Variants in ASPH observed in about 807,000 individuals in gnomAD.
ASPH encodes aspartyl/asparaginyl beta-hydroxylase.
A neutral mutation model predicts 118.4 loss-of-function variants in ASPH; 100 were observed. The ratio of observed to expected loss-of-function variants is 0.84; its 90% CI spans 0.72 to 1.00. The LOEUF is 1.00. ASPH is among the 50% of genes least tolerant of loss of function. The probability of loss-of-function intolerance (pLI) is 0.00; values close to 1 mark genes in which losing one functional copy is unlikely to be tolerated. For synonymous variants in ASPH, 315 were observed against 325.6 expected (o/e 0.97, Z 0.35); for missense variants, 920 against 919.5 (o/e 1.00, Z -0.01).
At chr8:61,575,681 A>T (rs1054885677) in intron 16 of ASPH, among the ~76,000 whole-genome samples, 1 of 152,088 alleles carries the variant, frequency 6.6e-6, no homozygotes, top group Non-Finnish European at 1.5e-5. Context: ...TTATTTTTAA[A>T]TTTTCTGTAT....
intron 3 of ASPH, chr8:61,659,484 A>C (rs542784820): frequency 1.3e-5 from 2 of 152,350 alleles, no homozygotes; most frequent in Admixed American, 1.3e-4. Context: ...ACATGGAGCA[A>C]TAAATAGATA....
At chr8:61,596,620 C>T (rs1439721854) in intron 14 of ASPH, among the ~76,000 whole-genome samples, 3 of 152,244 alleles carry the variant, frequency 2.0e-5, no homozygotes, top group Non-Finnish European at 4.4e-5. Flanking sequence ...GAGGAAATCA[C>T]AGACACCACT....
At chr8:61,653,449 A>T in intron 4 of ASPH, 119 bp downstream of exon 4, 1 of 877,796 alleles carries the variant, frequency 1.1e-6, no homozygotes, top group Non-Finnish European at 1.7e-6. Flanking sequence ...GAAAAAAAGT[A>T]GTTAATTATT....
At chr8:61,591,450 G>A (rs1841111746) in intron 14 of ASPH, among the ~76,000 whole-genome samples, 2 of 151,616 alleles carry the variant, frequency 1.3e-5, no homozygotes, top group African/African-American at 4.8e-5. Context: ...GATCTTGTAG[G>A]GAACACTAAC....
intron 24 of ASPH, among the ~76,000 whole-genome samples, chr8:61,510,234 G>T (rs191602663): frequency 6.6e-6 from 1 of 152,164 alleles, no homozygotes; most frequent in Non-Finnish European, 1.5e-5. Flanking sequence ...TACAGATGGG[G>T]ATATTGAGGC....
chr8:61,662,785 A>G (rs1817586576), intron 3 of ASPH: 1 of 926,786 alleles, frequency 1.1e-6, no homozygotes, highest in South Asian at 5.0e-5. Context: ...TTCTTGAGCT[A>G]ACAGTCAAAG....
chr8:61,598,588 C>T (rs964998418), intron 14 of ASPH, among the ~76,000 whole-genome samples: 2 of 152,164 alleles, frequency 1.3e-5, no homozygotes, highest in African/African-American at 4.8e-5. Flanking sequence ...ATCAGCTAGA[C>T]AGAAAACCAA....
At chr8:61,633,279 G>C (rs1856383710) in intron 13 of ASPH, 1 of 158,446 alleles carries the variant, frequency 6.3e-6, no homozygotes. Flanking sequence ...TCTCAGGAGA[G>C]ATGGGGAATG....
chr8:61,676,296 C>T (rs762828677), intron 3 of ASPH: 17 of 1,585,700 alleles, frequency 1.1e-5, no homozygotes, highest in Non-Finnish European at 1.4e-5. Context: ...TCAATATTTT[C>T]ATTACTGCCA....
chr8:61,574,988 G>T (rs1295590673), intron 16 of ASPH, among the ~76,000 whole-genome samples: 4 of 152,002 alleles, frequency 2.6e-5, no homozygotes, highest in Non-Finnish European at 5.9e-5. Flanking sequence ...CTTTCCTCAG[G>T]CTTATCCCAA....
Position 61,579,353 on chromosome 8 carries a change from G to T in ASPH, c.1063-2495C>A, listed in dbSNP as rs112726962. ...AGCTGCGTGAGTACCAGGAGCTGAT[G>T]AACGTCAAGCTGGCCCTGGACATCG... On this transcript the variant is annotated intron_variant, in intron 15 of 24. Transcript: ENST00000379454. The T allele has an allele frequency of 1.4e-4, 220 of 1,614,176 alleles. 2 individuals are homozygous for T. The highest frequency in any genetic ancestry group is 7.7e-4 in the African/African-American group (58 of 75,060).
At chr8:61,646,944 C>T in intron 5 of ASPH, 66 bp from the exon 6 acceptor site, 1 of 1,601,224 alleles carries the variant, frequency 6.2e-7, no homozygotes, top group South Asian at 1.1e-5. Context: ...TTGTGAAGGG[C>T]TGCCACACAC....
intron 3 of ASPH, chr8:61,665,018 T>C: frequency 2.4e-6 from 3 of 1,253,412 alleles, no homozygotes; most frequent in African/African-American, 3.1e-5. Context: ...ACATGATCAA[T>C]AAATAGAAGT....
At position 61,714,522 on chromosome 8, in the gene ASPH, G is replaced by A. The variant is rs1174106012; in HGVS notation, c.-151C>T. 3.4e-6 allele frequency: 4 copies of A among 1,171,336 alleles called. No homozygotes were observed. Among genetic ancestry groups the A allele is most frequent in the Non-Finnish European group, 4.4e-6 (4 of 909,138 alleles). The allele number at this position is 1,171,336 out of a possible 1,614,324, so 72.6% of individuals were successfully genotyped here. A position where few individuals can be genotyped will look rare whatever the true frequency, so the allele number is the denominator to read the frequency against. ...CAGACCCTGTGCCTCAGCACCGCCT[G>A]CAGCACCTGGGAAGACTTCACCCGC... On this transcript the variant is annotated 5_prime_UTR_variant, in exon 1 of 25. Transcript: ENST00000379454.
intron 14 of ASPH, among the ~76,000 whole-genome samples, chr8:61,592,070 G>A (rs1358317788): frequency 1.3e-5 from 2 of 152,170 alleles, no homozygotes; most frequent in Non-Finnish European, 2.9e-5. Flanking sequence ...GTACAAGCCT[G>A]AAGGCCAGTC....
chr8:61,714,561 G>A lies in ASPH; in HGVS notation c.-190C>T. 2.2e-6 allele frequency: 2 copies of A among 889,246 alleles called. No individual in the cohort carries two copies. The highest frequency in any genetic ancestry group is 3.0e-6 in the Non-Finnish European group (2 of 664,292). The allele number at this position is 889,246 out of a possible 1,614,324, so 55.1% of individuals were successfully genotyped here. On this transcript the variant is annotated 5_prime_UTR_variant, in exon 1 of 25. Transcript: ENST00000379454. ...GACTTCACCCGCCTGCCGGCTGCGC[G>A]CGCCCGGCCTCGCGTGTACGAACCT...
intron 14 of ASPH, among the ~76,000 whole-genome samples, chr8:61,596,939 T>TA (rs1842654534): frequency 1.3e-5 from 2 of 151,630 alleles, no homozygotes; most frequent in Non-Finnish European, 2.9e-5. Context: ...ATCAGAATAA[T>TA]AATACTAAAG....
chr8:61,548,614 T>C (rs1263947723), intron 20 of ASPH, among the ~76,000 whole-genome samples: 1 of 152,214 alleles, frequency 6.6e-6, no homozygotes, highest in Non-Finnish European at 1.5e-5. Context: ...TTCAAAGATA[T>C]TTGCATTTAC....
chr8:61,511,855 C>T lies in ASPH; in HGVS notation c.2126+5673G>A, dbSNP rs954463869. On this transcript the variant is annotated intron_variant, in intron 24 of 24. Transcript: ENST00000379454. ...CTGACCTCAAGTGATCCGCCTGCCTCGGCTTCCCAAAGTACTGGGATTACA... is the reference window on the plus strand; with the variant it reads ...CTGACCTCAAGTGATCCGCCTGCCTTGGCTTCCCAAAGTACTGGGATTACA... Among the ~76,000 whole-genome samples, 25 of 152,218 alleles carry T rather than the reference C, an allele frequency of 1.6e-4. 1 individual carries two copies. The highest frequency in any genetic ancestry group is 4.8e-4 in the African/African-American group (20 of 41,526).
Sources: allele counts gnomAD v4.1 joint callset (sites outside exome capture counted in the v4.1 genomes callset), GRCh38; gene constraint gnomAD v4.1.1; transcripts MANE v1.5; gene names NCBI Gene and HGNC (gene_info 2026-07-23, HGNC 2026-07-21).